PIWIL3: variants seen among roughly 807,000 people sequenced by gnomAD.
The protein encoded by PIWIL3 is piwi like RNA-mediated gene silencing 3.
In PIWIL3, 101 loss-of-function variants were observed where a neutral mutation model predicts 109.7. That is an observed-to-expected ratio of 0.92 (90% CI 0.78 to 1.09). The LOEUF is 1.09. Ranked by LOEUF, PIWIL3 falls within the 50% of genes least tolerant of loss-of-function variation. The probability of loss-of-function intolerance (pLI) is 0.00; values close to 1 mark genes in which losing one functional copy is unlikely to be tolerated. For synonymous variants in PIWIL3, 373 were observed against 376.4 expected, an observed-to-expected ratio of 0.99 and a Z score of 0.10; for missense variants, 1,031 against 1,072.6, an observed-to-expected ratio of 0.96 and a Z score of 0.54.
At chr22:24,743,862 T>A (rs1050564718) in intron 12 of PIWIL3, among the ~76,000 whole-genome samples, 1 of 152,072 alleles carries the variant, frequency 6.6e-6, no homozygotes, top group Non-Finnish European at 1.5e-5. Flanking sequence ...ACGACAAATT[T>A]AAAATAGAGT....
chr22:24,750,069 G>A (rs1311634144), intron 9 of PIWIL3, among the ~76,000 whole-genome samples: 2 of 152,190 alleles, frequency 1.3e-5, no homozygotes, highest in Non-Finnish European at 2.9e-5. Flanking sequence ...CGCTGGAGTC[G>A]TCAAGCTACT....
intron 1 of PIWIL3, among the ~76,000 whole-genome samples, chr22:24,764,669 T>TGTGTGTGC: frequency 6.9e-6 from 1 of 145,984 alleles, no homozygotes; most frequent in Non-Finnish European, 1.5e-5. Flanking sequence ...TGTGTGTGTG[T>TGTGTGTGC]TGAGACAGGA....
At chr22:24,767,551 CAA>C (rs111565589) in intron 1 of PIWIL3, among the ~76,000 whole-genome samples, 356 of 112,320 alleles carry the variant, frequency 3.2e-3, no homozygotes, top group African/African-American at 0.011. Context: ...AACTCTGTCT[CAA>C]AAAAAAAAAA....
intron 18 of PIWIL3, among the ~76,000 whole-genome samples, chr22:24,723,577 G>A (rs749423005): frequency 1.3e-5 from 2 of 152,178 alleles, no homozygotes; most frequent in Non-Finnish European, 2.9e-5. Flanking sequence ...TAAGTCTTAG[G>A]GCTGGAGATC....
intron 6 of PIWIL3, 80 bp from the exon 7 acceptor site, chr22:24,754,944 A>C: frequency 1.7e-6 from 2 of 1,154,634 alleles, no homozygotes; most frequent in Non-Finnish European, 2.6e-6. Flanking sequence ...AGGGAAAAAA[A>C]ATCTGTCAAT....
chr22:24,773,863 C>T (rs575580425), intron 1 of PIWIL3, among the ~76,000 whole-genome samples: 1 of 151,852 alleles, frequency 6.6e-6, no homozygotes, highest in Admixed American at 6.6e-5. Flanking sequence ...TACAGGCACC[C>T]GCCACTGCGC....
chr22:24,743,004 T>C (rs1432469909), intron 12 of PIWIL3, among the ~76,000 whole-genome samples: 1 of 152,202 alleles, frequency 6.6e-6, no homozygotes, highest in African/African-American at 2.4e-5. Context: ...GATGAAGGAC[T>C]GATATCCAGA....
At position 24,748,858 on chromosome 22, in the gene PIWIL3, A is replaced by T. The variant is rs1349969520; in HGVS notation, c.1449+49T>A. 1.5e-5 allele frequency: 21 copies of T among 1,445,286 alleles called. No individual in the cohort carries two copies. In the Admixed American group the frequency reaches 1.7e-4, roughly 12 times the overall value. The allele number at this position is 1,445,286 out of a possible 1,614,324, so 89.5% of individuals were successfully genotyped here. A position where few individuals can be genotyped will look rare whatever the true frequency, so the allele number is the denominator to read the frequency against. On this transcript the variant is annotated intron_variant, in intron 12 of 20. Transcript: ENST00000616349. ...ACTCAAGTTAGTTCCTTTTTGCTTT[A>T]CTCTTCATTTGACCCCACCATGACA...
At chr22:24,762,277 AC>A in intron 2 of PIWIL3, 120 bp downstream of exon 2, 1 of 1,415,314 alleles carries the variant, frequency 7.1e-7, no homozygotes, top group Non-Finnish European at 9.2e-7. Context: ...TTTCTTATGA[AC>A]TTTTATTAGT....
At chr22:24,724,213 AC>A (rs1451522409) in intron 18 of PIWIL3, among the ~76,000 whole-genome samples, 2 of 151,848 alleles carry the variant, frequency 1.3e-5, no homozygotes, top group Non-Finnish European at 1.5e-5. Flanking sequence ...TACTCTCATC[AC>A]ACATTGTATT....
intron 2 of PIWIL3, chr22:24,761,964 G>A (rs911867946): frequency 5.1e-6 from 5 of 988,492 alleles, no homozygotes; most frequent in East Asian, 1.1e-4. Context: ...TATGGATCCT[G>A]CTGTGTGAAT....
intron 14 of PIWIL3, among the ~76,000 whole-genome samples, chr22:24,733,723 C>A (rs888504306): frequency 1.3e-5 from 2 of 150,326 alleles, no homozygotes; most frequent in Non-Finnish European, 3.0e-5. Flanking sequence ...CAAAAAAAAA[C>A]AGGCAAGAAG....
rs180923746 is a variant in PIWIL3, at chr22:24,747,823, G to A, written c.1449+1084C>T. Among the ~76,000 whole-genome samples, 35 of 152,242 alleles carry A rather than the reference G, an allele frequency of 2.3e-4. No individual in the cohort carries two copies. In the East Asian group the frequency reaches 6.2e-3, roughly 27 times the overall value. On this transcript the variant is annotated intron_variant, in intron 12 of 20. Transcript: ENST00000616349. Reference sequence around the variant, plus strand: ...TGTGGAGAAAAGGGAGCCCTCATACGCAGTTGGTGGGAATGTCAATTACTA... The same window carrying A: ...TGTGGAGAAAAGGGAGCCCTCATACACAGTTGGTGGGAATGTCAATTACTA...
intron 14 of PIWIL3, among the ~76,000 whole-genome samples, chr22:24,732,655 CT>C (rs1923422882): frequency 6.6e-6 from 1 of 152,000 alleles, no homozygotes; most frequent in South Asian, 2.1e-4. Context: ...AACCCCGTCT[CT>C]ACTAAAAATA....
chr22:24,769,820 T>C (rs1051295887), intron 1 of PIWIL3: 16 of 149,398 alleles, frequency 1.1e-4, no homozygotes, highest in African/African-American at 3.7e-4. Flanking sequence ...ATAATAATAA[T>C]AAATACACCA....
chr22:24,744,187 A>AAAAAAAAC (rs1924194978), intron 12 of PIWIL3, among the ~76,000 whole-genome samples: 1 of 145,512 alleles, frequency 6.9e-6, no homozygotes, highest in South Asian at 2.2e-4. Context: ...TTAAAAAAAA[A>AAAAAAAAC]AAAAAAAAAA....
intron 1 of PIWIL3, among the ~76,000 whole-genome samples, chr22:24,764,625 CGTGTGTGT>C (rs140531011): frequency 0.029 from 3,945 of 134,628 alleles, 71 homozygotes; most frequent in Non-Finnish European, 0.036. Flanking sequence ...TTGACCTTGC[CGTGTGTGT>C]GTGTGTGTGT....
In PIWIL3 at chr22:24,742,151, CAAAAA is replaced by C. The variant is rs61071998; in HGVS notation, c.1450-6264_1450-6260del. Among the ~76,000 whole-genome samples the C allele has an allele frequency of 9.0e-4, 85 of 94,600 alleles. 1 individual carries two copies. The highest frequency in any genetic ancestry group is 6.4e-3 in the Middle Eastern group (1 of 156). The allele number at this position is 94,600 out of a possible 152,430, so 62.1% of individuals were successfully genotyped here. On this transcript the variant is annotated intron_variant, in intron 12 of 20. Coordinates refer to ENST00000616349, the MANE Select transcript of PIWIL3 (RefSeq NM_001255975.1). ...AACTCAACCACTTTTACAATAGCTG[CAAAAA>C]AAAAAAAAAAAAAAGGAATATACCT...
At chr22:24,722,950 T>C (rs1413711313) in intron 19 of PIWIL3, among the ~76,000 whole-genome samples, 180 bp downstream of exon 19, 1 of 152,076 alleles carries the variant, frequency 6.6e-6, no homozygotes, top group Non-Finnish European at 1.5e-5. Context: ...ACCAGAAGAC[T>C]CATCGCGATT....
Sources: gnomAD v4.1 joint callset for allele counts (sites outside exome capture counted in the v4.1 genomes callset) on GRCh38, gnomAD v4.1.1 for gene constraint, MANE v1.5 for transcripts, NCBI Gene and HGNC (gene_info 2026-07-23, HGNC 2026-07-21) for gene names.